IMMP2L: variants seen among roughly 807,000 people sequenced by gnomAD.
The protein encoded by IMMP2L is inner mitochondrial membrane peptidase subunit 2.
A neutral mutation model predicts 19.3 loss-of-function variants in IMMP2L; 18 were observed. The ratio of observed to expected loss-of-function variants is 0.93; its 90% confidence interval spans 0.64 to 1.38. IMMP2L has a LOEUF of 1.38. Ranked by LOEUF, IMMP2L falls within the 40% of genes most tolerant of loss-of-function variation. IMMP2L has a pLI of 0.00. For missense variants in IMMP2L, 233 were observed against 218.2 expected (o/e 1.07, Z -0.43); for synonymous variants, 76 against 73.0 (o/e 1.04, Z -0.21).
intron 3 of IMMP2L, among the ~76,000 whole-genome samples, chr7:111,468,250 A>G (rs1198498044): frequency 6.6e-6 from 1 of 152,028 alleles, no homozygotes; most frequent in Non-Finnish European, 1.5e-5. Flanking sequence ...TAAATAAAAC[A>G]TACATCCCTC....
At chr7:110,713,376 T>C (rs557338265) in intron 5 of IMMP2L, among the ~76,000 whole-genome samples, 1 of 152,306 alleles carries the variant, frequency 6.6e-6, no homozygotes, top group African/African-American at 2.4e-5. Context: ...CAGCTTGGGA[T>C]TGTTTTGGCT....
At chr7:110,766,408 T>C (rs1562963057) in intron 5 of IMMP2L, among the ~76,000 whole-genome samples, 1 of 151,874 alleles carries the variant, frequency 6.6e-6, no homozygotes, top group African/African-American at 2.4e-5. Context: ...TTGGCCCACA[T>C]GGCGAAGTCC....
intron 3 of IMMP2L, among the ~76,000 whole-genome samples, chr7:111,396,257 C>T (rs1045917782): frequency 1.3e-5 from 2 of 152,080 alleles, no homozygotes; most frequent in Non-Finnish European, 2.9e-5. Context: ...TGGAACCAAC[C>T]TAAATGCCCA....
rs896460611 is a variant in IMMP2L at position 110,976,290 on chromosome 7, A to G, written c.240-12725T>C. Reference sequence around the variant, plus strand: ...AGTATTTGATGATGATTAGATCATAATACATATACGAAGATATTGCTATTT... The same window carrying G: ...AGTATTTGATGATGATTAGATCATAGTACATATACGAAGATATTGCTATTT... On this transcript the variant is annotated intron_variant, in intron 3 of 5. Transcript: ENST00000405709. Among the ~76,000 whole-genome samples, 3 of 152,028 alleles carry G rather than the reference A, an allele frequency of 2.0e-5. No homozygotes were observed. The East Asian group carries it at 5.8e-4, about 29-fold the overall frequency.
At chr7:110,885,941 T>A (rs113264362) in intron 5 of IMMP2L, among the ~76,000 whole-genome samples, 5 of 152,232 alleles carry the variant, frequency 3.3e-5, no homozygotes, top group African/African-American at 4.8e-5. Context: ...CCTCACCACA[T>A]AATTTAGTCA....
intron 3 of IMMP2L, among the ~76,000 whole-genome samples, chr7:111,035,720 A>G (rs1053871553): frequency 5.3e-5 from 8 of 152,208 alleles, no homozygotes; most frequent in African/African-American, 1.9e-4. Flanking sequence ...ATCACGTTAG[A>G]TAACAATAAG....
chr7:111,001,155 C>T (rs1170395001), intron 3 of IMMP2L, among the ~76,000 whole-genome samples: 2 of 152,188 alleles, frequency 1.3e-5, no homozygotes, highest in Non-Finnish European at 2.9e-5. Flanking sequence ...TCTAATGTCA[C>T]ACAGGATTTG....
intron 3 of IMMP2L, among the ~76,000 whole-genome samples, chr7:111,150,033 C>T (rs959180007): frequency 6.6e-6 from 1 of 152,076 alleles, no homozygotes; most frequent in African/African-American, 2.4e-5. Context: ...TATTTTATTT[C>T]CAGTACTACT....
chr7:110,920,689 G>T (rs1814175058), intron 4 of IMMP2L, among the ~76,000 whole-genome samples: 4 of 152,080 alleles, frequency 2.6e-5, no homozygotes, highest in Admixed American at 2.6e-4. Context: ...TACATTTTAA[G>T]AAAGCAATGA....
chr7:111,511,332 T>C (rs1324531675), intron 2 of IMMP2L, among the ~76,000 whole-genome samples: 1 of 151,950 alleles, frequency 6.6e-6, no homozygotes, highest in Non-Finnish European at 1.5e-5. Flanking sequence ...CTGCAACCTG[T>C]AGCTACCAAC....
chr7:110,678,366 C>T (rs1432955753), intron 5 of IMMP2L, among the ~76,000 whole-genome samples: 1 of 152,082 alleles, frequency 6.6e-6, no homozygotes, highest in Admixed American at 6.6e-5. Context: ...ACTGATATCA[C>T]CTTTCCAACA....
intron 5 of IMMP2L, among the ~76,000 whole-genome samples, chr7:110,848,907 G>C (rs149558580): frequency 7.9e-5 from 12 of 152,256 alleles, no homozygotes; most frequent in Non-Finnish European, 1.6e-4. Context: ...GTGGTTGCCA[G>C]AAATTAGTTG....
rs1235570794 is a variant in IMMP2L, at chr7:111,286,534, G to A, written c.239+200704C>T. 3.9e-5 allele frequency among the ~76,000 whole-genome samples: 6 copies of A among 152,250 alleles called. No individual in the cohort carries two copies. The East Asian group carries it at 1.2e-3, about 29-fold the overall frequency. ...GGTCTACTCCCTAGCAGAATGAACG[G>A]ATTACATATTCCTCAGAAATATTAT... On this transcript the variant is annotated intron_variant, in intron 3 of 5. Coordinates refer to ENST00000405709, the MANE Select transcript of IMMP2L (RefSeq NM_032549.4).
At chr7:111,149,861 C>T (rs1002731112) in intron 3 of IMMP2L, among the ~76,000 whole-genome samples, 15 of 152,060 alleles carry the variant, frequency 9.9e-5, no homozygotes, top group Non-Finnish European at 1.8e-4. Context: ...TTCAAGATTA[C>T]CTTTCTTTGA....
intron 3 of IMMP2L, among the ~76,000 whole-genome samples, chr7:111,284,242 C>G (rs899765613): frequency 1.3e-5 from 2 of 152,094 alleles, no homozygotes; most frequent in African/African-American, 4.8e-5. Context: ...AACTGAAGAA[C>G]TGTTCTTTTG....
chr7:110,818,249 AC>A (rs1194325013), intron 5 of IMMP2L, among the ~76,000 whole-genome samples: 1 of 152,156 alleles, frequency 6.6e-6, no homozygotes, highest in Non-Finnish European at 1.5e-5. Context: ...TCTACAATGA[AC>A]TCAAACAAAT....
chr7:111,311,270 A>G (rs1823481543), intron 3 of IMMP2L, among the ~76,000 whole-genome samples: 3 of 152,242 alleles, frequency 2.0e-5, no homozygotes, highest in South Asian at 2.1e-4. Context: ...AGTTACAAAG[A>G]AAGAAAAAGG....
chr7:111,238,432 T>C (rs1397648751), intron 3 of IMMP2L, among the ~76,000 whole-genome samples: 2 of 151,998 alleles, frequency 1.3e-5, no homozygotes, highest in Non-Finnish European at 2.9e-5. Context: ...TCACTGACAA[T>C]ACGATGTATC....
At chr7:110,886,479 A>G in intron 5 of IMMP2L, 114 bp downstream of exon 5, 1 of 640,492 alleles carries the variant, frequency 1.6e-6, no homozygotes, top group Non-Finnish European at 2.8e-6. Flanking sequence ...AAACTATTCC[A>G]GTATAAATTT....
Sources: gnomAD v4.1 joint callset for allele counts (sites outside exome capture counted in the v4.1 genomes callset) on GRCh38, gnomAD v4.1.1 for gene constraint, MANE v1.5 for transcripts, NCBI Gene and HGNC (gene_info 2026-07-23, HGNC 2026-07-21) for gene names.